MYT1L: variants seen among roughly 807,000 people sequenced by gnomAD.
MYT1L encodes the protein myelin transcription factor 1-like protein.
A neutral mutation model predicts 126.7 loss-of-function variants in MYT1L; 12 were observed. That is an observed-to-expected ratio of 0.09 (90% CI 0.06 to 0.15). The LOEUF (loss-of-function observed/expected upper bound fraction) is 0.15, where lower values mean the gene tolerates loss of function less well. Ranked by LOEUF, MYT1L falls within the 10% of genes least tolerant of loss-of-function variation. MYT1L has a pLI of 1.00. For missense variants in MYT1L, 979 were observed against 1,585.2 expected, an observed-to-expected ratio of 0.62 and a Z score of 6.49; for synonymous variants, 541 against 604.2, an observed-to-expected ratio of 0.90 and a Z score of 1.53.
At chr2:1,998,814 A>G (rs1382032995) in intron 4 of MYT1L, among the ~76,000 whole-genome samples, 1 of 152,166 alleles carries the variant, frequency 6.6e-6, no homozygotes, top group Non-Finnish European at 1.5e-5. Context: ...GCGAGACCCC[A>G]GAGCCCACAC....
chr2:2,131,057 C>T (rs191434662), intron 3 of MYT1L, among the ~76,000 whole-genome samples: 4 of 152,254 alleles, frequency 2.6e-5, no homozygotes, highest in South Asian at 2.1e-4. Context: ...ATCTGTGTTG[C>T]GATACCTTAT....
At chr2:2,092,157 C>G (rs2076971836) in intron 3 of MYT1L, among the ~76,000 whole-genome samples, 1 of 152,200 alleles carries the variant, frequency 6.6e-6, no homozygotes, top group Non-Finnish European at 1.5e-5. Context: ...AACATGCCTT[C>G]CTTACTAAGC....
chr2:2,275,254 G>C (rs887650834), intron 2 of MYT1L, among the ~76,000 whole-genome samples: 2 of 149,812 alleles, frequency 1.3e-5, no homozygotes, highest in Non-Finnish European at 3.0e-5. Context: ...GTGCATGCCT[G>C]TTATAGCAGT....
At chr2:1,967,984 C>T (rs1015818301) in intron 8 of MYT1L, among the ~76,000 whole-genome samples, 1 of 152,160 alleles carries the variant, frequency 6.6e-6, no homozygotes, top group South Asian at 2.1e-4. Context: ...CACTGCACCC[C>T]AGGAGGGGAG....
chr2:1,895,895 G>A (rs1418210752), intron 14 of MYT1L, among the ~76,000 whole-genome samples: 3 of 152,188 alleles, frequency 2.0e-5, no homozygotes, highest in Admixed American at 6.5e-5. Context: ...CAACGGAGCA[G>A]ACAGATAACC....
At chr2:2,055,484 TTAA>T (rs1396945493) in intron 3 of MYT1L, among the ~76,000 whole-genome samples, 4 of 152,258 alleles carry the variant, frequency 2.6e-5, no homozygotes, top group Non-Finnish European at 5.9e-5. Flanking sequence ...ACTTCTGTGA[TTAA>T]TGTTTATATA....
chr2:2,289,263 A>G (rs1400960041), intron 1 of MYT1L, among the ~76,000 whole-genome samples: 1 of 152,206 alleles, frequency 6.6e-6, no homozygotes, highest in Non-Finnish European at 1.5e-5. Context: ...GTTTTATTGC[A>G]TGTTGGCCAA....
intron 13 of MYT1L, among the ~76,000 whole-genome samples, chr2:1,908,625 C>T (rs76737076): frequency 0.019 from 2,925 of 152,288 alleles, 87 homozygotes; most frequent in African/African-American, 0.067. Context: ...TGACCAATAA[C>T]GATTCCTTGC....
At chr2:1,809,243 G>C in intron 21 of MYT1L, 76 bp from the exon 22 acceptor site, 1 of 1,375,924 alleles carries the variant, frequency 7.3e-7, no homozygotes, top group Non-Finnish European at 1.0e-6. Flanking sequence ...TGGTAAGCAA[G>C]GCGTAGAATA....
intron 21 of MYT1L, among the ~76,000 whole-genome samples, chr2:1,818,897 C>T (rs1319415806): frequency 6.6e-6 from 1 of 152,220 alleles, no homozygotes; most frequent in East Asian, 1.9e-4. Flanking sequence ...GTTTCTAGAA[C>T]AGTGACCTCT....
At chr2:2,246,513 A>C (rs563691644) in intron 2 of MYT1L, among the ~76,000 whole-genome samples, 13 of 152,342 alleles carry the variant, frequency 8.5e-5, no homozygotes, top group African/African-American at 3.1e-4. Flanking sequence ...TCAGCATGAG[A>C]CAGGGGTCCC....
chr2:2,231,109 A>G (rs2149061441), intron 2 of MYT1L, among the ~76,000 whole-genome samples: 1 of 152,278 alleles, frequency 6.6e-6, no homozygotes, highest in African/African-American at 2.4e-5. Flanking sequence ...AGTCCTTTTC[A>G]ACTGCAAACA....
intron 3 of MYT1L, among the ~76,000 whole-genome samples, chr2:2,113,872 T>G: frequency 6.8e-6 from 1 of 146,272 alleles, no homozygotes; most frequent in Non-Finnish European, 1.5e-5. Flanking sequence ...GATAGGAAAA[T>G]AGTTATGAAA....
At chr2:2,190,456 A>AT (rs5828867) in intron 2 of MYT1L, among the ~76,000 whole-genome samples, 10 of 149,242 alleles carry the variant, frequency 6.7e-5, no homozygotes, top group South Asian at 2.1e-4. Context: ...CTGTATGCCT[A>AT]TTTTTTTTTT....
intron 4 of MYT1L, among the ~76,000 whole-genome samples, chr2:1,997,716 G>A (rs781093098): frequency 6.6e-6 from 1 of 152,146 alleles, no homozygotes; most frequent in Non-Finnish European, 1.5e-5. Flanking sequence ...TCCCAGACTC[G>A]GGGTAGACTC....
intron 21 of MYT1L, among the ~76,000 whole-genome samples, chr2:1,818,788 G>A (rs376852709): frequency 6.6e-5 from 10 of 152,286 alleles, no homozygotes; most frequent in African/African-American, 1.9e-4. Context: ...CAATGGCATC[G>A]TGGTCCCTTC....
intron 5 of MYT1L, among the ~76,000 whole-genome samples, chr2:1,980,360 T>C (rs4853751): frequency 0.19 from 29,079 of 149,914 alleles, 4,274 homozygotes; most frequent in African/African-American, 0.42. Context: ...TAGATTCTCC[T>C]TGTAACTGAA....
intron 3 of MYT1L, among the ~76,000 whole-genome samples, chr2:2,085,824 C>T (rs1242342744): frequency 6.6e-6 from 1 of 152,200 alleles, no homozygotes; most frequent in Non-Finnish European, 1.5e-5. Context: ...GCACCTCTCT[C>T]TGAGACACCG....
rs900118160 is a variant in MYT1L at position 1,891,983 on chromosome 2, G to A, written c.2283+54C>T. 5 of 1,451,986 alleles carry A rather than the reference G, an allele frequency of 3.4e-6. No individual in the cohort carries two copies. In the Admixed American group the frequency reaches 7.6e-5, roughly 22 times the overall value. The allele number at this position is 1,451,986 out of a possible 1,614,324, so 89.9% of individuals were successfully genotyped here. A position where few individuals can be genotyped will look rare whatever the true frequency, so the allele number is the denominator to read the frequency against. On this transcript the variant is annotated intron_variant, in intron 15 of 24. Transcript: ENST00000647738. The stretch of plus-strand genomic sequence containing the variant: ...GCCGCGTGTCTCGGTGGCTGGGTCC[G>A]CGGCCCGGCCTCCCCCACCCGCCAG...
Sources: allele counts gnomAD v4.1 joint callset (sites outside exome capture counted in the v4.1 genomes callset), GRCh38; gene constraint gnomAD v4.1.1; transcripts MANE v1.5; gene names NCBI Gene and HGNC (gene_info 2026-07-23, HGNC 2026-07-21).